STX8: variants seen among roughly 807,000 people sequenced by gnomAD.
STX8 encodes the protein syntaxin 8, also known as syntaxin-8.
Under a neutral mutation model 37.5 loss-of-function variants are expected in STX8, and 23 were observed. The observed-to-expected ratio is 0.61, with a 90% CI of 0.44 to 0.87. The LOEUF (loss-of-function observed/expected upper bound fraction) is 0.87. STX8 is among the 40% of genes least tolerant of loss of function. STX8 has a pLI of 0.00. For missense variants in STX8, 313 were observed against 284.7 expected, an observed-to-expected ratio of 1.10 and a Z score of -0.71; for synonymous variants, 115 against 99.1, an observed-to-expected ratio of 1.16 and a Z score of -0.95.
At chr17:9,466,854 C>T (rs568198354) in intron 6 of STX8, among the ~76,000 whole-genome samples, 12 of 152,206 alleles carry the variant, frequency 7.9e-5, no homozygotes, top group East Asian at 3.9e-4. Context: ...ACTTACTGAG[C>T]GTTTACTATA....
At chr17:9,389,942 A>G (rs1000290837) in intron 6 of STX8, among the ~76,000 whole-genome samples, 1 of 152,212 alleles carries the variant, frequency 6.6e-6, no homozygotes, top group Non-Finnish European at 1.5e-5. Flanking sequence ...GAACAGGGAC[A>G]CAAGGAAAAA....
At position 9,568,382 on chromosome 17, in the gene STX8, T is replaced by C. The variant is rs747570762; in HGVS notation, c.106A>G (p.Lys36Glu). The C allele has an allele frequency of 1.2e-6, 2 of 1,611,246 alleles. No homozygotes were observed. Among genetic ancestry groups the C allele is most frequent in the African/African-American group, 2.7e-5 (2 of 74,880 alleles). Residue 36 changes from lysine to glutamate, a missense_variant, in exon 2 of 8, where the codon AAG (lysine) becomes GAG (glutamate). Coordinates refer to ENST00000306357, the MANE Select transcript of STX8 (RefSeq NM_004853.3). ...CTTCATGGTATTACCTTTGGTGCCT[T>C]TTCACCTTTTCTTTCATATTGATTT... Reference protein sequence around the residue: ...QRNQYERKGEKAPKLTVTIRA... With the variant: ...QRNQYERKGEEAPKLTVTIRA...
intron 7 of STX8, among the ~76,000 whole-genome samples, chr17:9,344,614 C>T (rs1910474834): frequency 6.6e-6 from 1 of 152,160 alleles, no homozygotes; most frequent in South Asian, 2.1e-4. Flanking sequence ...TGCCCAGGCA[C>T]ACTGAGACCC....
In STX8 at chr17:9,432,156, C is replaced by CTT. The variant is rs572528213; in HGVS notation, c.542-53505_542-53504dup. On this transcript the variant is annotated intron_variant, in intron 6 of 7. Transcript: ENST00000306357. ...TTTTCAGATTCTCTTTTTCACCTGG[C>CTT]TTTTTTTTTTAAGTTCTTAAGTAAA... Among the ~76,000 whole-genome samples, 184 of 147,738 alleles carry CTT rather than the reference C, an allele frequency of 1.2e-3. 7 individuals carry two copies. The highest frequency in any genetic ancestry group is 0.012 in the Admixed American group (172 of 14,768).
chr17:9,388,164 C>A (rs1912083239), intron 6 of STX8, among the ~76,000 whole-genome samples: 2 of 150,194 alleles, frequency 1.3e-5, no homozygotes. Context: ...CTCCGCCTCC[C>A]AGGTTCAAGT....
intron 6 of STX8, among the ~76,000 whole-genome samples, chr17:9,462,061 C>T (rs1005505519): frequency 2.0e-5 from 3 of 152,106 alleles, no homozygotes; most frequent in Non-Finnish European, 4.4e-5. Flanking sequence ...GTCAGTTGCC[C>T]GCCGCTCACC....
chr17:9,399,540 C>T (rs1912527399), intron 6 of STX8, among the ~76,000 whole-genome samples: 2 of 152,224 alleles, frequency 1.3e-5, no homozygotes, highest in Non-Finnish European at 2.9e-5. Flanking sequence ...CAAGCCTGCC[C>T]TGTTTGTCCT....
intron 6 of STX8, among the ~76,000 whole-genome samples, chr17:9,417,670 A>G (rs1293466736): frequency 6.6e-6 from 1 of 152,172 alleles, no homozygotes; most frequent in African/African-American, 2.4e-5. Context: ...GGAACCAACC[A>G]TGTGATTACA....
At chr17:9,512,126 T>C (rs563558470) in intron 4 of STX8, among the ~76,000 whole-genome samples, 1 of 152,286 alleles carries the variant, frequency 6.6e-6, no homozygotes, top group East Asian at 1.9e-4. Context: ...TTCATGCTCA[T>C]GGATTGGAAG....
chr17:9,523,393 T>TATAC (rs1555533995), intron 4 of STX8, among the ~76,000 whole-genome samples: 14 of 149,638 alleles, frequency 9.4e-5, no homozygotes, highest in South Asian at 6.4e-4. Context: ...CATATATATA[T>TATAC]ACACACACAC....
At chr17:9,510,182 G>A (rs1379597432) in intron 4 of STX8, among the ~76,000 whole-genome samples, 1 of 152,124 alleles carries the variant, frequency 6.6e-6, no homozygotes. Flanking sequence ...TAGAGTAATA[G>A]CTGGAGATTC....
At chr17:9,542,570 G>A (rs1019280762) in intron 4 of STX8, among the ~76,000 whole-genome samples, 5 of 151,808 alleles carry the variant, frequency 3.3e-5, no homozygotes, top group South Asian at 2.1e-4. Context: ...CCAGCTACTC[G>A]GGAGGCTGAG....
chr17:9,479,392 G>A (rs1941446279), intron 6 of STX8, among the ~76,000 whole-genome samples: 1 of 151,718 alleles, frequency 6.6e-6, no homozygotes, highest in Non-Finnish European at 1.5e-5. Context: ...AAATTAGCTG[G>A]GCATGGTGGC....
chr17:9,299,043 C>G (rs1450211166), intron 7 of STX8, among the ~76,000 whole-genome samples: 1 of 152,178 alleles, frequency 6.6e-6, no homozygotes, highest in East Asian at 1.9e-4. Context: ...AGCCCTCTCT[C>G]ACTTTCCTTG....
chr17:9,397,138 C>T (rs1450243163), intron 6 of STX8, among the ~76,000 whole-genome samples: 3 of 152,246 alleles, frequency 2.0e-5, no homozygotes, highest in African/African-American at 4.8e-5. Flanking sequence ...TGGCCCACGC[C>T]TGTAATCCCA....
At chr17:9,383,724 G>C (rs1294566079) in intron 6 of STX8, among the ~76,000 whole-genome samples, 1 of 152,072 alleles carries the variant, frequency 6.6e-6, no homozygotes, top group Non-Finnish European at 1.5e-5. Flanking sequence ...AAACGATAAA[G>C]TCTATTTAAA....
At chr17:9,536,419 G>A (rs1391149897) in intron 4 of STX8, among the ~76,000 whole-genome samples, 1 of 152,082 alleles carries the variant, frequency 6.6e-6, no homozygotes, top group African/African-American at 2.4e-5. Flanking sequence ...TTACTTCACG[G>A]GATGTTTTTC....
At position 9,256,815 on chromosome 17, in the gene STX8, G is replaced by A. The variant is rs143888535; in HGVS notation, c.644-6170C>T. 6.0e-3 allele frequency among the ~76,000 whole-genome samples: 909 copies of A among 152,298 alleles called. 10 individuals carry two copies. Among genetic ancestry groups the A allele is most frequent in the African/African-American group, 0.019 (805 of 41,552 alleles). Reference sequence around the variant, plus strand: ...GGGACCTCACATCGTACTCGGTCACGTGTGAAAAGCAGAACTTCCTTCTTC... The same window carrying A: ...GGGACCTCACATCGTACTCGGTCACATGTGAAAAGCAGAACTTCCTTCTTC... On this transcript the variant is annotated intron_variant, in intron 7 of 7. Transcript: ENST00000306357.
intron 7 of STX8, among the ~76,000 whole-genome samples, chr17:9,265,319 C>T (rs569615539): frequency 2.0e-5 from 3 of 152,342 alleles, no homozygotes; most frequent in Admixed American, 6.5e-5. Context: ...GAGAGCTCAC[C>T]CTCTTGAAAC....
Sources: allele counts gnomAD v4.1 joint callset (sites outside exome capture counted in the v4.1 genomes callset), GRCh38; gene constraint gnomAD v4.1.1; transcripts MANE v1.5; gene names NCBI Gene and HGNC (gene_info 2026-07-23, HGNC 2026-07-21).